The following CCNJL variants were observed in gnomAD, a reference collection of about 807,000 sequenced individuals.
The protein encoded by CCNJL is cyclin-J-like protein.
A neutral mutation model predicts 33.4 loss-of-function variants in CCNJL; 33 were observed. The observed-to-expected ratio is 0.99, with a 90% confidence interval of 0.75 to 1.32. The LOEUF (loss-of-function observed/expected upper bound fraction) is 1.32. CCNJL is among the 40% of genes most tolerant of loss of function. The pLI, the probability that CCNJL is intolerant of heterozygous loss-of-function variation, is 0.00. For missense variants in CCNJL, 512 were observed against 499.7 expected (o/e 1.02, Z -0.23); for synonymous variants, 227 against 220.9 (o/e 1.03, Z -0.24).
intron 4 of CCNJL, among the ~76,000 whole-genome samples, chr5:160,256,334 A>G (rs900478754): frequency 6.6e-6 from 1 of 152,236 alleles, no homozygotes; most frequent in African/African-American, 2.4e-5. Flanking sequence ...AGAGAATGAC[A>G]CACTATTTCA....
Position 160,253,269 on chromosome 5 carries a change from G to T in CCNJL, c.*109C>A. ...GGAGCACAGACCCTCCACGTTCCAA[G>T]GCTCTTCAGGGATGGCCTCCTGCTG... is the stretch of plus-strand genomic sequence containing the variant. On this transcript the variant is annotated 3_prime_UTR_variant, in exon 6 of 6. Coordinates refer to ENST00000257536, the MANE Select transcript of CCNJL (RefSeq NM_001308173.3). The T allele has an allele frequency of 9.2e-7, 1 of 1,081,282 alleles. No individual in the cohort carries two copies. The highest frequency in any genetic ancestry group is 1.3e-6 in the Non-Finnish European group (1 of 764,474). The allele number at this position is 1,081,282 out of a possible 1,614,324, so 67.0% of individuals were successfully genotyped here.
chr5:160,285,790 TC>T (rs1295235168), intron 2 of CCNJL, among the ~76,000 whole-genome samples: 10 of 152,202 alleles, frequency 6.6e-5, no homozygotes, highest in Admixed American at 6.5e-4. Flanking sequence ...CTTGCCCTAC[TC>T]TGAGGGCAAT....
chr5:160,311,786 T>G, intron 2 of CCNJL, 72 bp downstream of exon 2: 8 of 1,443,280 alleles, frequency 5.5e-6, no homozygotes, highest in South Asian at 1.1e-5. Flanking sequence ...GCAGGCGACC[T>G]GAGAACACGA....
chr5:160,330,698 C>T (rs886429730), intron 1 of CCNJL, among the ~76,000 whole-genome samples: 17 of 151,234 alleles, frequency 1.1e-4, no homozygotes, highest in African/African-American at 3.9e-4. Flanking sequence ...GAGTCTCCCT[C>T]TGTTACCCAG....
chr5:160,304,345 T>C (rs545198661), intron 2 of CCNJL, among the ~76,000 whole-genome samples: 13 of 152,262 alleles, frequency 8.5e-5, no homozygotes, highest in East Asian at 5.8e-4. Context: ...CCAACCTCAT[T>C]TGCGGTTTTC....
upstream of CCNJL, among the ~76,000 whole-genome samples, chr5:160,317,192 T>G (rs1295272089): frequency 2.0e-5 from 3 of 152,226 alleles, no homozygotes; most frequent in African/African-American, 7.2e-5. Flanking sequence ...TGCCAAATCC[T>G]TTATGATCCT....
chr5:160,260,938 T>G (rs564775660), intron 3 of CCNJL: 1 of 152,438 alleles, frequency 6.6e-6, no homozygotes, highest in East Asian at 1.9e-4. Context: ...CCTCGGTCTG[T>G]TCACCCATGA....
At chr5:160,282,966 A>AATATATATATATATATATATATAT (rs70990720) in intron 2 of CCNJL, among the ~76,000 whole-genome samples, 12 of 43,372 alleles carry the variant, frequency 2.8e-4, no homozygotes, top group South Asian at 8.5e-4. Context: ...CAGTCCTTGG[A>AATATATATATATATATATATATAT]ATATATATAT....
At chr5:160,293,053 C>T (rs776872921) in intron 2 of CCNJL, among the ~76,000 whole-genome samples, 1 of 152,224 alleles carries the variant, frequency 6.6e-6, no homozygotes, top group Non-Finnish European at 1.5e-5. Flanking sequence ...GTTTTCTAGA[C>T]ACTATGTTCT....
rs1443231678 is a variant in CCNJL, at chr5:160,321,004, CTCTCTCTCTCTTTCTTTCTT to C, written n.207-5519_207-5500del. Among the ~76,000 whole-genome samples, 136 of 112,116 alleles carry C rather than the reference CTCTCTCTCTCTTTCTTTCTT, an allele frequency of 1.2e-3. 6 individuals are homozygous for C. The highest frequency in any genetic ancestry group is 4.8e-3 in the African/African-American group (131 of 27,472). The allele number at this position is 112,116 out of a possible 152,430, so 73.6% of individuals were successfully genotyped here. A position where few individuals can be genotyped will look rare whatever the true frequency, so the allele number is the denominator to read the frequency against. ...TCTCTCTCTTTCTTTCTTTCTCTCT[CTCTCTCTCTCTTTCTTTCTT>C]TCTTTCTTTCTTTCTTTCTTTCTTT... On this transcript the variant is annotated intron_variant and non_coding_transcript_variant, in intron 1 of 7. Transcript: ENST00000377503.
intron 2 of CCNJL, among the ~76,000 whole-genome samples, chr5:160,289,658 C>T (rs11739281): frequency 0.023 from 3,443 of 152,098 alleles, 47 homozygotes; most frequent in Middle Eastern, 0.054. Flanking sequence ...GAAAGTGCCC[C>T]GGAAAAGGCC....
intron 2 of CCNJL, among the ~76,000 whole-genome samples, chr5:160,304,676 G>A (rs758415125): frequency 6.6e-5 from 10 of 151,912 alleles, no homozygotes; most frequent in Non-Finnish European, 1.3e-4. Context: ...TAGATCTGGG[G>A]GCATCTTGTG....
At chr5:160,254,107 C>T in intron 5 of CCNJL, 1 of 463,016 alleles carries the variant, frequency 2.2e-6, no homozygotes, top group Non-Finnish European at 3.8e-6. Context: ...GTAACCTGCT[C>T]CAGAGGGTAA....
At chr5:160,324,235 C>T (rs573296214) in intron 1 of CCNJL, among the ~76,000 whole-genome samples, 2 of 152,312 alleles carry the variant, frequency 1.3e-5, no homozygotes, top group Non-Finnish European at 2.9e-5. Context: ...TCCTCATCAA[C>T]AATGTTAAAA....
rs866257963 is a variant in CCNJL at position 160,255,626 on chromosome 5, G to C, written c.666C>G (p.Pro222=). Residue 222 remains proline (P), a synonymous_variant, in exon 5 of 6, where the codon CCC becomes CCG. Coordinates refer to ENST00000257536, the MANE Select transcript of CCNJL (RefSeq NM_001308173.3). The part of the protein sequence containing the change: ...GASRICLQLS[P]YWTRDLQRIS... ...TCCTCTGCAGGTCTCTGGTCCAGTA[G>C]GGAGAAAGCTGCAGGCAAATCCTGG... 1.9e-6 allele frequency: 3 copies of C among 1,614,108 alleles called. No individual in the cohort carries two copies. Among genetic ancestry groups the C allele is most frequent in the Non-Finnish European group, 8.5e-7 (1 of 1,179,936 alleles).
intron 1 of CCNJL, among the ~76,000 whole-genome samples, chr5:160,330,593 G>T (rs911617656): frequency 3.9e-5 from 6 of 152,112 alleles, no homozygotes; most frequent in African/African-American, 1.4e-4. Context: ...TGGCCACCAG[G>T]TCACCCCTGA....
intron 2 of CCNJL, among the ~76,000 whole-genome samples, chr5:160,294,039 C>T (rs769970295): frequency 6.6e-6 from 1 of 152,080 alleles, no homozygotes; most frequent in Non-Finnish European, 1.5e-5. Flanking sequence ...TGTCTAAGAA[C>T]AAAGAACCGC....
chr5:160,273,898 C>G (rs1761922938), intron 3 of CCNJL, among the ~76,000 whole-genome samples: 1 of 151,916 alleles, frequency 6.6e-6, no homozygotes, highest in African/African-American at 2.4e-5. Context: ...ATCCACCCAC[C>G]TCGGCCTCCC....
chr5:160,335,712 T>C (rs186495941), intron 1 of CCNJL, among the ~76,000 whole-genome samples: 21 of 152,060 alleles, frequency 1.4e-4, no homozygotes, highest in Non-Finnish European at 7.4e-5. Flanking sequence ...GCTGGGACTA[T>C]AGACAAATGC....
Sources: gnomAD v4.1 joint callset for allele counts (sites outside exome capture counted in the v4.1 genomes callset) on GRCh38, gnomAD v4.1.1 for gene constraint, MANE v1.5 for transcripts, NCBI Gene and HGNC (gene_info 2026-07-23, HGNC 2026-07-21) for gene names.